UNC5C: variants seen among roughly 807,000 people sequenced by gnomAD.
UNC5C encodes the protein unc-5 netrin receptor C.
In UNC5C, 47 loss-of-function variants were observed where a neutral mutation model predicts 99.8. The observed-to-expected ratio is 0.47, with a 90% confidence interval of 0.37 to 0.60. The LOEUF is 0.60. Among genes scored for constraint, UNC5C ranks in the 20% least tolerant of loss-of-function variants. UNC5C has a pLI of 0.00. For missense variants in UNC5C, 1,062 were observed against 1,165.9 expected (o/e 0.91, Z 1.30); for synonymous variants, 487 against 452.2 (o/e 1.08, Z -0.98).
chr4:95,529,908 A>G (rs1722599679), intron 1 of UNC5C, among the ~76,000 whole-genome samples: 1 of 152,214 alleles, frequency 6.6e-6, no homozygotes, highest in Non-Finnish European at 1.5e-5. Flanking sequence ...GACAAATCAT[A>G]AAAATTTTAC....
At chr4:95,427,224 G>A (rs1746510482) in intron 1 of UNC5C, among the ~76,000 whole-genome samples, 1 of 152,304 alleles carries the variant, frequency 6.6e-6, no homozygotes, top group African/African-American at 2.4e-5. Context: ...TTATGGATGA[G>A]CAAGGAAAGT....
At chr4:95,470,544 G>A (rs1176415086) in intron 1 of UNC5C, among the ~76,000 whole-genome samples, 1 of 152,032 alleles carries the variant, frequency 6.6e-6, no homozygotes, top group Non-Finnish European at 1.5e-5. Flanking sequence ...TCTAGTGTTG[G>A]GGGAGAGGGG....
intron 13 of UNC5C, 125 bp from the exon 14 acceptor site, chr4:95,183,186 A>G (rs1016999127): frequency 1.1e-6 from 1 of 906,988 alleles, no homozygotes; most frequent in Non-Finnish European, 1.6e-6. Flanking sequence ...CAACAGCCCT[A>G]TGTTTAAGTA....
intron 1 of UNC5C, among the ~76,000 whole-genome samples, chr4:95,439,383 G>GTTTTTTTTTTTTT (rs3069229): frequency 6.9e-6 from 1 of 144,412 alleles, no homozygotes; most frequent in Admixed American, 6.9e-5. Flanking sequence ...TGAGGTTTTG[G>GTTTTTTTTTTTTT]TTTTTTTTTT....
At chr4:95,241,842 C>T (rs1266843690) in intron 7 of UNC5C, among the ~76,000 whole-genome samples, 2 of 152,198 alleles carry the variant, frequency 1.3e-5, no homozygotes, top group Admixed American at 1.3e-4. Context: ...CTGAGCCAAT[C>T]TTCGGCACTC....
chr4:95,192,093 C>T (rs1225013456), intron 12 of UNC5C, among the ~76,000 whole-genome samples: 1 of 133,294 alleles, frequency 7.5e-6, no homozygotes, highest in Non-Finnish European at 1.6e-5. Flanking sequence ...GCTCACCTTC[C>T]TCCCCTGCTC....
intron 3 of UNC5C, among the ~76,000 whole-genome samples, chr4:95,281,875 G>A (rs542629933): frequency 1.1e-4 from 16 of 152,316 alleles, no homozygotes; most frequent in Non-Finnish European, 1.5e-4. Flanking sequence ...CGGTACAGTT[G>A]TTCTTTGCAT....
At chr4:95,316,457 C>T (rs1579319089) in intron 2 of UNC5C, among the ~76,000 whole-genome samples, 2 of 152,094 alleles carry the variant, frequency 1.3e-5, no homozygotes, top group Non-Finnish European at 1.5e-5. Context: ...ATAGGCGCTT[C>T]GGAGCTGACC....
At chr4:95,388,913 C>T (rs1049344194) in intron 1 of UNC5C, among the ~76,000 whole-genome samples, 2 of 152,112 alleles carry the variant, frequency 1.3e-5, no homozygotes, top group Non-Finnish European at 2.9e-5. Flanking sequence ...GTAATGGCAA[C>T]TAGTAAGCCT....
At chr4:95,335,764 G>C (rs1743313961) in intron 1 of UNC5C, 133 bp from the exon 2 acceptor site, 2 of 675,080 alleles carry the variant, frequency 3.0e-6, no homozygotes, top group Non-Finnish European at 5.0e-6. Flanking sequence ...GTGCCAGGCT[G>C]TATGTTAGAT....
intron 6 of UNC5C, among the ~76,000 whole-genome samples, chr4:95,243,613 T>G (rs1739401358): frequency 6.6e-6 from 1 of 152,228 alleles, no homozygotes; most frequent in Non-Finnish European, 1.5e-5. Context: ...TTATATCATT[T>G]TAATAGTCTA....
intron 1 of UNC5C, among the ~76,000 whole-genome samples, chr4:95,347,569 C>A (rs2621447): frequency 0.38 from 57,128 of 151,810 alleles, 11,140 homozygotes; most frequent in African/African-American, 0.46. Context: ...CACACAGACT[C>A]ATGGAACAGA....
At chr4:95,206,928 T>C (rs1244401516) in intron 10 of UNC5C, 132 bp from the exon 11 acceptor site, 3 of 740,162 alleles carry the variant, frequency 4.1e-6, no homozygotes, top group Non-Finnish European at 6.0e-6. Context: ...TTCTGGGGGG[T>C]TGGGGAGAGG....
At chr4:95,422,603 ACATCCGTCGCCT>A (rs1746354594) in intron 1 of UNC5C, among the ~76,000 whole-genome samples, 1 of 152,154 alleles carries the variant, frequency 6.6e-6, no homozygotes, top group South Asian at 2.1e-4. Context: ...TTCTGCAACA[ACATCCGTCGCCT>A]CAACCTTCTT....
rs77442685 is a variant in UNC5C, at chr4:95,252,337, C to T, written c.595-1670G>A. ...TCCTATCACACAAAGCATGGACAGG[C>T]TCCCTTAGTCTCAGTTGTTCTTGCA... On this transcript the variant is annotated intron_variant, in intron 4 of 15. Coordinates refer to ENST00000453304, the MANE Select transcript of UNC5C (RefSeq NM_003728.4). 1.8e-3 allele frequency among the ~76,000 whole-genome samples: 276 copies of T among 152,318 alleles called. 1 individual carries two copies. Among genetic ancestry groups the T allele is most frequent in the African/African-American group, 6.4e-3 (268 of 41,564 alleles).
chr4:95,434,094 G>A (rs1442952580), intron 1 of UNC5C, among the ~76,000 whole-genome samples: 1 of 152,024 alleles, frequency 6.6e-6, no homozygotes, highest in South Asian at 2.1e-4. Context: ...TTTAATGTCT[G>A]TGTGCTTTGT....
At chr4:95,272,653 T>C (rs1446313918) in intron 4 of UNC5C, among the ~76,000 whole-genome samples, 2 of 152,238 alleles carry the variant, frequency 1.3e-5, no homozygotes, top group Non-Finnish European at 2.9e-5. Flanking sequence ...TAAGGGAACC[T>C]AATACTTTTG....
chr4:95,507,703 G>A (rs1721961846), intron 1 of UNC5C, among the ~76,000 whole-genome samples: 1 of 151,814 alleles, frequency 6.6e-6, no homozygotes, highest in Non-Finnish European at 1.5e-5. Flanking sequence ...TATTCCTCTC[G>A]ATATAGAGTC....
At chr4:95,475,372 A>G (rs948628030) in intron 1 of UNC5C, among the ~76,000 whole-genome samples, 3 of 151,940 alleles carry the variant, frequency 2.0e-5, no homozygotes, top group Non-Finnish European at 4.4e-5. Flanking sequence ...TCAATTTCCC[A>G]ATTTACAAAG....
Sources: gnomAD v4.1 joint callset for allele counts (sites outside exome capture counted in the v4.1 genomes callset) on GRCh38, gnomAD v4.1.1 for gene constraint, MANE v1.5 for transcripts, NCBI Gene and HGNC (gene_info 2026-07-23, HGNC 2026-07-21) for gene names.